DPP10: variants seen among roughly 807,000 people sequenced by gnomAD.
The protein encoded by DPP10 is dipeptidyl peptidase like 10.
Under a neutral mutation model 120.9 loss-of-function variants are expected in DPP10, and 33 were observed. The observed-to-expected ratio is 0.27, with a 90% CI of 0.21 to 0.37. The LOEUF (loss-of-function observed/expected upper bound fraction) is 0.37, where lower values mean the gene tolerates loss of function less well. Ranked by LOEUF, DPP10 falls within the 10% of genes least tolerant of loss-of-function variation. DPP10 has a pLI of 1.00. For synonymous variants in DPP10, 337 were observed against 326.1 expected (o/e 1.03, Z -0.36); for missense variants, 816 against 942.8 (o/e 0.87, Z 1.76).
intron 1 of DPP10, among the ~76,000 whole-genome samples, chr2:114,724,480 G>A (rs972033407): frequency 1.4e-4 from 21 of 152,150 alleles, no homozygotes; most frequent in African/African-American, 5.1e-4. Flanking sequence ...GAGGTAAAAG[G>A]CAGGTTGATT....
At chr2:114,837,411 G>C (rs976914392) in intron 1 of DPP10, among the ~76,000 whole-genome samples, 4 of 152,140 alleles carry the variant, frequency 2.6e-5, no homozygotes, top group East Asian at 1.9e-4. Context: ...TCCTTCTTGA[G>C]GGCAGGCTCT....
chr2:115,804,481 C>T (rs951561404), intron 19 of DPP10, among the ~76,000 whole-genome samples: 5 of 152,212 alleles, frequency 3.3e-5, no homozygotes, highest in South Asian at 2.1e-4. Flanking sequence ...TGAGGAACTG[C>T]GTTCCTTTGG....
At chr2:115,110,156 C>T (rs944083639) in intron 1 of DPP10, among the ~76,000 whole-genome samples, 4 of 152,186 alleles carry the variant, frequency 2.6e-5, no homozygotes, top group African/African-American at 9.7e-5. Context: ...TCCTTTACAT[C>T]GACTTCTCAC....
intron 3 of DPP10, among the ~76,000 whole-genome samples, chr2:115,422,003 A>G (rs758672651): frequency 2.0e-5 from 3 of 152,018 alleles, no homozygotes; most frequent in Admixed American, 6.6e-5. Flanking sequence ...TTAATAGACA[A>G]TGTAATATAA....
intron 5 of DPP10, among the ~76,000 whole-genome samples, chr2:115,609,137 G>A (rs2083907333): frequency 6.6e-6 from 1 of 152,104 alleles, no homozygotes; most frequent in Non-Finnish European, 1.5e-5. Flanking sequence ...ACAGAGGATG[G>A]AATCTCAGAA....
chr2:115,735,552 G>T (rs1472416777), intron 8 of DPP10, among the ~76,000 whole-genome samples: 6 of 150,284 alleles, frequency 4.0e-5, no homozygotes, highest in Admixed American at 3.3e-4. Flanking sequence ...ACAGAGTCTT[G>T]CTCTGTTGCC....
At chr2:115,661,912 G>T (rs955436230) in intron 5 of DPP10, among the ~76,000 whole-genome samples, 2 of 152,116 alleles carry the variant, frequency 1.3e-5, no homozygotes, top group Non-Finnish European at 2.9e-5. Flanking sequence ...CACATTTCAA[G>T]TATATAAAAC....
At chr2:115,168,441 T>C (rs981553294) in intron 1 of DPP10, among the ~76,000 whole-genome samples, 3 of 152,342 alleles carry the variant, frequency 2.0e-5, no homozygotes, top group African/African-American at 7.2e-5. Flanking sequence ...TATATCCTTA[T>C]GGATAGTTAG....
intron 1 of DPP10, among the ~76,000 whole-genome samples, chr2:114,761,222 C>G (rs1202998452): frequency 1.3e-5 from 2 of 151,856 alleles, no homozygotes; most frequent in South Asian, 2.1e-4. Flanking sequence ...ATTTAAATAG[C>G]AAGAAAAGCA....
intron 5 of DPP10, among the ~76,000 whole-genome samples, chr2:115,617,126 A>ATAG (rs932139266): frequency 1.3e-5 from 2 of 150,148 alleles, no homozygotes; most frequent in Admixed American, 6.6e-5. Context: ...GGATACAATT[A>ATAG]TAGACATGAT....
chr2:115,292,077 A>G (rs2105930250), intron 1 of DPP10, among the ~76,000 whole-genome samples: 1 of 152,248 alleles, frequency 6.6e-6, no homozygotes, highest in East Asian at 1.9e-4. Context: ...ATATTTCTGG[A>G]AAAAAATTAT....
At chr2:115,235,537 C>T (rs965882841) in intron 1 of DPP10, among the ~76,000 whole-genome samples, 4 of 151,958 alleles carry the variant, frequency 2.6e-5, no homozygotes, top group Non-Finnish European at 4.4e-5. Context: ...TTAAAGTTGA[C>T]AGTTTTTTTT....
chr2:114,969,245 C>T (rs756480031), intron 1 of DPP10, among the ~76,000 whole-genome samples: 12 of 151,892 alleles, frequency 7.9e-5, no homozygotes, highest in Non-Finnish European at 1.2e-4. Context: ...AAATGTGTGA[C>T]GTGGTATAAA....
intron 7 of DPP10, among the ~76,000 whole-genome samples, chr2:115,709,149 G>A (rs764461942): frequency 1.3e-5 from 2 of 152,114 alleles, no homozygotes; most frequent in Non-Finnish European, 2.9e-5. Context: ...CCTCCATTTT[G>A]TTAGTTTTGT....
intron 1 of DPP10, among the ~76,000 whole-genome samples, chr2:114,908,971 T>C (rs1162276744): frequency 6.6e-6 from 1 of 151,888 alleles, no homozygotes; most frequent in African/African-American, 2.4e-5. Context: ...CTGAGTTTAC[T>C]ACATTGTCAA....
At chr2:114,748,374 A>G (rs1280155653) in intron 1 of DPP10, among the ~76,000 whole-genome samples, 1 of 102,028 alleles carries the variant, frequency 9.8e-6, no homozygotes, top group Non-Finnish European at 2.0e-5. Flanking sequence ...TTATTTATTT[A>G]TTTATTTATT....
chr2:115,629,768 G>A (rs908565501), intron 5 of DPP10, among the ~76,000 whole-genome samples: 12 of 152,120 alleles, frequency 7.9e-5, no homozygotes, highest in Non-Finnish European at 1.0e-4. Context: ...CTATATATCC[G>A]TTTTGGTACC....
At chr2:115,344,560 T>C (rs188572195) in intron 3 of DPP10, among the ~76,000 whole-genome samples, 1 of 152,260 alleles carries the variant, frequency 6.6e-6, no homozygotes, top group Admixed American at 6.5e-5. Context: ...TATGGCACTT[T>C]GTTGTTTTTT....
chr2:115,471,679 C>T (rs2074728942), intron 3 of DPP10, among the ~76,000 whole-genome samples: 1 of 151,948 alleles, frequency 6.6e-6, no homozygotes, highest in Admixed American at 6.6e-5. Flanking sequence ...CTCTACCTCA[C>T]TGGCTCAAGC....
Sources: allele counts gnomAD v4.1 joint callset (sites outside exome capture counted in the v4.1 genomes callset), GRCh38; gene constraint gnomAD v4.1.1; transcripts MANE v1.5; gene names NCBI Gene and HGNC (gene_info 2026-07-23, HGNC 2026-07-21).